PPP1R1C: variants seen among roughly 807,000 people sequenced by gnomAD.
The protein encoded by PPP1R1C is protein phosphatase 1 regulatory subunit 1C.
In PPP1R1C, 15 loss-of-function variants were observed where a neutral mutation model predicts 17.4. The observed-to-expected ratio is 0.86, with a 90% CI of 0.58 to 1.33. The LOEUF (loss-of-function observed/expected upper bound fraction) is 1.33, where lower values mean the gene tolerates loss of function less well. Among genes scored for constraint, PPP1R1C ranks in the 40% most tolerant of loss-of-function variants. PPP1R1C has a pLI of 0.00. For synonymous variants in PPP1R1C, 35 were observed against 43.1 expected, an observed-to-expected ratio of 0.81 and a Z score of 0.73; for missense variants, 143 against 130.0, an observed-to-expected ratio of 1.10 and a Z score of -0.48.
At chr2:182,068,664 G>A (rs1031644076) in intron 4 of PPP1R1C, among the ~76,000 whole-genome samples, 1 of 151,978 alleles carries the variant, frequency 6.6e-6, no homozygotes, top group African/African-American at 2.4e-5. Flanking sequence ...TTTATTTTCC[G>A]ACTATTATAA....
chr2:181,990,234 G>A (rs948465776), intron 2 of PPP1R1C, among the ~76,000 whole-genome samples: 1 of 151,944 alleles, frequency 6.6e-6, no homozygotes, highest in Non-Finnish European at 1.5e-5. Context: ...CACCTCCGGG[G>A]TTCACGCCAT....
At chr2:181,990,504 A>G (rs1353774717) in intron 2 of PPP1R1C, among the ~76,000 whole-genome samples, 1 of 152,136 alleles carries the variant, frequency 6.6e-6, no homozygotes, top group Non-Finnish European at 1.5e-5. Context: ...TCAACCTCAC[A>G]GGGTTGTAGT....
Position 181,976,346 on chromosome 2 carries a change from AC to A in PPP1R1C, n.157+1085del, listed in dbSNP as rs1219133357. Among the ~76,000 whole-genome samples, 1 of 152,114 alleles carries A rather than the reference AC, an allele frequency of 6.6e-6. No homozygotes were observed. Among genetic ancestry groups the A allele is most frequent in the East Asian group, 1.9e-4 (1 of 5,200 alleles). On this transcript the variant is annotated intron_variant and non_coding_transcript_variant, in intron 2 of 5. Coordinates refer to the PPP1R1C transcript ENST00000464264. The surrounding 1 kb of genome is among the most constrained non-coding windows in gnomAD (Gnocchi z 4.8). ...TGAAATTTTTGAAAATTATTTGGAA[AC>A]CCTACCAACAACAGAGTTCTAGAAG... is the stretch of plus-strand genomic sequence containing the variant.
intron 2 of PPP1R1C, among the ~76,000 whole-genome samples, chr2:181,993,382 C>T (rs1685520570): frequency 6.6e-6 from 1 of 152,076 alleles, no homozygotes; most frequent in South Asian, 2.1e-4. Flanking sequence ...ATGAGTAAGA[C>T]ATTATCAGGC....
intron 2 of PPP1R1C, among the ~76,000 whole-genome samples, chr2:182,052,548 C>G (rs1032910950): frequency 6.6e-6 from 1 of 152,116 alleles, no homozygotes; most frequent in Non-Finnish European, 1.5e-5. Context: ...TGAATTCTAC[C>G]TAACTAACTG....
At chr2:182,053,747 T>C (rs919255971) in intron 2 of PPP1R1C, among the ~76,000 whole-genome samples, 2 of 151,334 alleles carry the variant, frequency 1.3e-5, no homozygotes, top group South Asian at 2.1e-4. Context: ...TTTTATATGA[T>C]TTTGCAGATT....
At chr2:182,010,670 A>G (rs1056876341) in intron 2 of PPP1R1C, among the ~76,000 whole-genome samples, 2 of 152,028 alleles carry the variant, frequency 1.3e-5, no homozygotes, top group South Asian at 2.1e-4. Flanking sequence ...TTAAATAACA[A>G]TGGTGAAAGT....
chr2:182,040,599 A>G (rs775545556), intron 2 of PPP1R1C, among the ~76,000 whole-genome samples: 8 of 152,034 alleles, frequency 5.3e-5, no homozygotes, highest in African/African-American at 1.4e-4. Context: ...CTCCCATTTC[A>G]TGGGTTTTCT....
intron 2 of PPP1R1C, among the ~76,000 whole-genome samples, chr2:182,010,510 A>C (rs1415572786): frequency 6.6e-6 from 1 of 152,058 alleles, no homozygotes; most frequent in South Asian, 2.1e-4. Context: ...TACCAGTTAT[A>C]CTAGTTTTTT....
intron 5 of PPP1R1C, among the ~76,000 whole-genome samples, chr2:182,124,328 T>TTTTTTTTTTTTTG (rs1689817983): frequency 1.8e-5 from 1 of 55,600 alleles, no homozygotes; most frequent in Non-Finnish European, 4.8e-5. Context: ...TTTTTTTTTG[T>TTTTTTTTTTTTTG]TTTTTTTTTT....
At chr2:182,038,600 C>G (rs1330156824) in intron 2 of PPP1R1C, among the ~76,000 whole-genome samples, 1 of 152,148 alleles carries the variant, frequency 6.6e-6, no homozygotes, top group African/African-American at 2.4e-5. Context: ...AAGATTAGCT[C>G]TATCAGGGAA....
Position 182,089,014 on chromosome 2 carries a change from T to C in PPP1R1C, c.241+25223T>C, listed in dbSNP as rs555055879. Among the ~76,000 whole-genome samples, 26 of 152,304 alleles carry C rather than the reference T, an allele frequency of 1.7e-4. No individual in the cohort carries two copies. In the South Asian group the frequency reaches 4.4e-3, roughly 26 times the overall value. On this transcript the variant is annotated intron_variant, in intron 4 of 4. Coordinates refer to ENST00000682840, the MANE Select transcript of PPP1R1C (RefSeq NM_001080545.3). Reference sequence around the variant, plus strand: ...TCAAATGCTAGAGAGGAAGAATAAATAGAAATTTGGACCTTCTTTTATCTA... The same window carrying C: ...TCAAATGCTAGAGAGGAAGAATAAACAGAAATTTGGACCTTCTTTTATCTA...
intron 4 of PPP1R1C, among the ~76,000 whole-genome samples, chr2:182,116,409 C>T (rs1283544468): frequency 1.3e-5 from 2 of 151,902 alleles, no homozygotes; most frequent in Non-Finnish European, 2.9e-5. Flanking sequence ...ATTGGGGTAG[C>T]CATCAGAGAG....
At position 181,962,482 on chromosome 2, in the gene PPP1R1C, A is replaced by C; in HGVS notation, n.111+7848A>C. The stretch of plus-strand genomic sequence containing the variant: ...TGGAGCGAGTGGTGAAGCTCATGCT[A>C]TCCAGGGAGGAGAGTGAGAGGACAG... On this transcript the variant is annotated intron_variant and non_coding_transcript_variant, in intron 1 of 5. Coordinates refer to the PPP1R1C transcript ENST00000464264. The surrounding 1 kb of genome is among the most constrained non-coding windows in gnomAD (Gnocchi z 6.0). 1 of 693,356 alleles carries C rather than the reference A, an allele frequency of 1.4e-6. No individual in the cohort carries two copies. Among genetic ancestry groups the C allele is most frequent in the East Asian group, 2.9e-5 (1 of 34,262 alleles). 43.0% of individuals were successfully genotyped at this position (693,356 alleles called of 1,614,324 possible).
intron 5 of PPP1R1C, among the ~76,000 whole-genome samples, chr2:182,126,208 G>A (rs1029910080): frequency 6.6e-6 from 1 of 151,824 alleles, no homozygotes; most frequent in Non-Finnish European, 1.5e-5. Flanking sequence ...CTATCAAAAA[G>A]CAAACAGTTT....
chr2:182,066,960 G>GTA (rs1688000623), intron 4 of PPP1R1C, among the ~76,000 whole-genome samples: 1 of 60,966 alleles, frequency 1.6e-5, no homozygotes, highest in East Asian at 4.0e-4. Context: ...GTCTGTGTGT[G>GTA]TGTGTGTTTG....
At chr2:182,053,861 A>G (rs1687601584) in intron 2 of PPP1R1C, among the ~76,000 whole-genome samples, 1 of 151,720 alleles carries the variant, frequency 6.6e-6, no homozygotes, top group South Asian at 2.1e-4. Context: ...GCTCACCACA[A>G]CCTCCGCCTC....
At chr2:182,021,979 T>C (rs1264372812) in intron 2 of PPP1R1C, among the ~76,000 whole-genome samples, 1 of 152,208 alleles carries the variant, frequency 6.6e-6, no homozygotes, top group African/African-American at 2.4e-5. Context: ...CCAATAGGGC[T>C]ACAATCAGAG....
chr2:182,024,256 A>T (rs1196183), intron 2 of PPP1R1C, among the ~76,000 whole-genome samples: 115,849 of 152,098 alleles, frequency 0.76, 44,424 homozygotes, highest in African/African-American at 0.79. Flanking sequence ...AGTGTATATC[A>T]ATCCTTAGAA....
Sources: gnomAD v4.1 joint callset for allele counts (sites outside exome capture counted in the v4.1 genomes callset) on GRCh38, gnomAD v4.1.1 for gene constraint, Gnocchi (gnomAD v3.1) non-coding constraint, MANE v1.5 for transcripts, NCBI Gene and HGNC (gene_info 2026-07-23, HGNC 2026-07-21) for gene names.